Variants in GRID2 observed in about 807,000 individuals in gnomAD.
The protein encoded by GRID2 is glutamate receptor ionotropic, delta-2.
A neutral mutation model predicts 114.8 loss-of-function variants in GRID2; 33 were observed. That is an observed-to-expected ratio of 0.29 (90% CI 0.22 to 0.38). The LOEUF is 0.38. GRID2 is among the 10% of genes least tolerant of loss of function. The pLI, the probability that GRID2 is intolerant of heterozygous loss-of-function variation, is 1.00. For synonymous variants in GRID2, 505 were observed against 449.9 expected, an observed-to-expected ratio of 1.12 and a Z score of -1.55; for missense variants, 1,184 against 1,257.7, an observed-to-expected ratio of 0.94 and a Z score of 0.89.
intron 7 of GRID2, among the ~76,000 whole-genome samples, chr4:93,231,669 A>G (rs1272821738): frequency 6.6e-6 from 1 of 152,150 alleles, no homozygotes; most frequent in Non-Finnish European, 1.5e-5. Flanking sequence ...AGTCATTGCA[A>G]AACTAGAAAT....
intron 1 of GRID2, among the ~76,000 whole-genome samples, chr4:92,357,425 A>C (rs1728380669): frequency 1.3e-5 from 2 of 151,916 alleles, no homozygotes; most frequent in South Asian, 4.1e-4. Context: ...AAATAATTCA[A>C]AATCTGCTCT....
At chr4:92,363,689 G>A (rs968280808) in intron 1 of GRID2, among the ~76,000 whole-genome samples, 6 of 151,540 alleles carry the variant, frequency 4.0e-5, no homozygotes, top group Non-Finnish European at 5.9e-5. Context: ...AACATACTAT[G>A]TTCCTAAAAT....
intron 2 of GRID2, among the ~76,000 whole-genome samples, chr4:92,998,685 A>AT (rs963089184): frequency 4.2e-4 from 62 of 147,078 alleles, no homozygotes; most frequent in Admixed American, 6.8e-4. Context: ...CTCTTGTCAG[A>AT]TTTTTTTTTT....
intron 4 of GRID2, among the ~76,000 whole-genome samples, chr4:93,203,638 A>C (rs1742345649): frequency 6.6e-6 from 1 of 152,188 alleles, no homozygotes; most frequent in African/African-American, 2.4e-5. Flanking sequence ...TGCATAGCTG[A>C]AGTTAATAAA....
intron 2 of GRID2, among the ~76,000 whole-genome samples, chr4:92,914,979 T>C (rs1045614396): frequency 2.6e-5 from 4 of 152,238 alleles, no homozygotes; most frequent in East Asian, 1.9e-4. Context: ...GACTGGGTAA[T>C]ATAAAGGAAA....
chr4:92,781,684 AC>A (rs1208127059), intron 2 of GRID2, among the ~76,000 whole-genome samples: 1 of 152,000 alleles, frequency 6.6e-6, no homozygotes, highest in African/African-American at 2.4e-5. Flanking sequence ...TCAAACTTCT[AC>A]TTTTATCAGT....
At chr4:93,569,148 C>T (rs1032465265) in intron 13 of GRID2, among the ~76,000 whole-genome samples, 2 of 152,168 alleles carry the variant, frequency 1.3e-5, no homozygotes, top group Admixed American at 1.3e-4. Context: ...TGAGGCATCA[C>T]TTATCCAGAG....
In GRID2 at chr4:93,316,339, A is replaced by AGAAG. The variant is rs1553907447; in HGVS notation, c.1245+77869_1245+77872dup. Among the ~76,000 whole-genome samples the AGAAG allele has an allele frequency of 5.2e-3, 284 of 54,982 alleles. 1 individual carries two copies. Among genetic ancestry groups the AGAAG allele is most frequent in the East Asian group, 0.012 (11 of 890 alleles). The allele number at this position is 54,982 out of a possible 152,430, so 36.1% of individuals were successfully genotyped here. A position where few individuals can be genotyped will look rare whatever the true frequency, so the allele number is the denominator to read the frequency against. Reference sequence around the variant, plus strand: ...AAGAAAGAAAGAAAGAAAGAAAGAAAGAAGGAAGGAAGGAAGGAAGGAAAA... The same window carrying AGAAG: ...AAGAAAGAAAGAAAGAAAGAAAGAAAGAAGGAAGGAAGGAAGGAAGGAAGGAAAA... On this transcript the variant is annotated intron_variant, in intron 8 of 15. Transcript: ENST00000282020.
At chr4:93,015,135 A>T (rs1450003593) in intron 2 of GRID2, among the ~76,000 whole-genome samples, 1 of 152,160 alleles carries the variant, frequency 6.6e-6, no homozygotes, top group Non-Finnish European at 1.5e-5. Flanking sequence ...CCATGCTTCC[A>T]TACACATTGG....
At chr4:93,603,616 C>T (rs969471815) in intron 13 of GRID2, among the ~76,000 whole-genome samples, 1 of 152,126 alleles carries the variant, frequency 6.6e-6, no homozygotes, top group Non-Finnish European at 1.5e-5. Flanking sequence ...AAAGAAAGTT[C>T]CATCTAGGAC....
chr4:92,708,189 A>G (rs1479406052), intron 2 of GRID2, among the ~76,000 whole-genome samples: 5 of 152,232 alleles, frequency 3.3e-5, no homozygotes, highest in African/African-American at 7.2e-5. Context: ...GAATGAAGGC[A>G]GTTTTACTTA....
chr4:92,715,430 C>T (rs528173835), intron 2 of GRID2, among the ~76,000 whole-genome samples: 7 of 152,278 alleles, frequency 4.6e-5, no homozygotes, highest in South Asian at 2.1e-4. Context: ...GTTCCAAAGT[C>T]GCTTCCACAT....
intron 8 of GRID2, among the ~76,000 whole-genome samples, chr4:93,335,949 A>C (rs1759042471): frequency 6.6e-6 from 1 of 152,128 alleles, no homozygotes; most frequent in African/African-American, 2.4e-5. Context: ...GGCCTCCCAA[A>C]GTGCTGGGAT....
intron 2 of GRID2, among the ~76,000 whole-genome samples, chr4:92,839,271 C>CTT (rs995207263): frequency 1.4e-5 from 2 of 142,688 alleles, no homozygotes; most frequent in East Asian, 2.1e-4. Flanking sequence ...TGTAAGAGTT[C>CTT]TTTTTTTTTT....
chr4:92,979,017 T>C (rs1754033269), intron 2 of GRID2, among the ~76,000 whole-genome samples: 1 of 151,942 alleles, frequency 6.6e-6, no homozygotes, highest in Admixed American at 6.6e-5. Context: ...AGAGACCTTG[T>C]CTCTAAAAAA....
intron 13 of GRID2, among the ~76,000 whole-genome samples, chr4:93,576,797 A>G (rs964760425): frequency 1.3e-5 from 2 of 152,158 alleles, no homozygotes; most frequent in African/African-American, 4.8e-5. Context: ...ACATAAAAGT[A>G]CATATGTGTT....
chr4:93,504,639 G>A (rs1241659644), intron 12 of GRID2, among the ~76,000 whole-genome samples: 2 of 152,032 alleles, frequency 1.3e-5, no homozygotes, highest in African/African-American at 2.4e-5. Flanking sequence ...GATAATTTCA[G>A]TATAAACCAT....
chr4:92,951,798 T>C (rs902195833), intron 2 of GRID2, among the ~76,000 whole-genome samples: 17 of 152,094 alleles, frequency 1.1e-4, no homozygotes, highest in African/African-American at 4.1e-4. Context: ...CTTTCTAAAT[T>C]GAAATTATAT....
chr4:92,693,778 A>T (rs928528061), intron 2 of GRID2, among the ~76,000 whole-genome samples: 1 of 152,260 alleles, frequency 6.6e-6, no homozygotes. Flanking sequence ...AACTTAAATT[A>T]TAGTTATTAA....
Sources: allele counts gnomAD v4.1 joint callset (sites outside exome capture counted in the v4.1 genomes callset), GRCh38; gene constraint gnomAD v4.1.1; transcripts MANE v1.5; gene names NCBI Gene and HGNC (gene_info 2026-07-23, HGNC 2026-07-21).